MGAT5B: variants seen among roughly 807,000 people sequenced by gnomAD.
MGAT5B encodes N-acetylglucosaminyl-transferase Vb.
MGAT5B carries 54 observed loss-of-function variants against 95.1 expected under a neutral mutation model. That is an observed-to-expected ratio of 0.57 (90% CI 0.46 to 0.71). MGAT5B has a LOEUF of 0.71. MGAT5B is among the 30% of genes least tolerant of loss of function. The pLI, the probability that MGAT5B is intolerant of heterozygous loss-of-function variation, is 0.00. For synonymous variants in MGAT5B, 464 were observed against 451.0 expected (o/e 1.03, Z -0.36); for missense variants, 935 against 1,088.6 (o/e 0.86, Z 1.99).
intron 5 of MGAT5B, 72 bp from the exon 6 acceptor site, chr17:76,904,180 G>A (rs1598935704): frequency 1.4e-6 from 2 of 1,452,926 alleles, no homozygotes; most frequent in Admixed American, 2.1e-5. Flanking sequence ...CCCTGGGGGT[G>A]CACGTGCGGG....
At chr17:76,897,656 G>A (rs1345925767) in intron 3 of MGAT5B, among the ~76,000 whole-genome samples, 1 of 120,382 alleles carries the variant, frequency 8.3e-6, no homozygotes, top group African/African-American at 3.1e-5. Flanking sequence ...TCCCAAGTAA[G>A]GCCACTTTCT....
chr17:76,919,883 T>C (rs530898352), intron 8 of MGAT5B, among the ~76,000 whole-genome samples: 1 of 152,274 alleles, frequency 6.6e-6, no homozygotes, highest in Admixed American at 6.5e-5. Flanking sequence ...AAACTGAAAC[T>C]CCATACCCAT....
At position 76,895,954 on chromosome 17, in the gene MGAT5B, G is replaced by A. The variant is rs184080377; in HGVS notation, c.330-6601G>A. ...ATTTTCGAGGGCCCCTAAAAGCAGC[G>A]TGGGCCCTGGCCTGCACCTCCTGGC... On this transcript the variant is annotated intron_variant, in intron 3 of 17. Coordinates refer to ENST00000569840, the MANE Select transcript of MGAT5B (RefSeq NM_001199172.2). Among the ~76,000 whole-genome samples, 266 of 152,262 alleles carry A rather than the reference G, an allele frequency of 1.7e-3. 1 individual carries two copies. Among genetic ancestry groups the A allele is most frequent in the Middle Eastern group, 6.8e-3 (2 of 294 alleles).
chr17:76,903,286 G>A lies in MGAT5B; in HGVS notation c.446-17G>A. 6.2e-7 allele frequency: 1 copy of A among 1,603,568 alleles called. No homozygotes were observed. Among genetic ancestry groups the A allele is most frequent in the Non-Finnish European group, 8.5e-7 (1 of 1,174,548 alleles). ...TCCTTGGACCAGGGACTTCAGCAAG[G>A]TGACCTCTCCCTACAGTGTCAGAAG... On this transcript the variant is annotated splice_polypyrimidine_tract_variant and intron_variant, in intron 4 of 17. Coordinates refer to ENST00000569840, the MANE Select transcript of MGAT5B (RefSeq NM_001199172.2).
chr17:76,893,442 G>A (rs929615570), intron 3 of MGAT5B, among the ~76,000 whole-genome samples: 3 of 152,242 alleles, frequency 2.0e-5, no homozygotes, highest in African/African-American at 7.2e-5. Context: ...TCTGCCAGAA[G>A]CAGCCGGTTC....
Position 76,940,515 on chromosome 17 carries a change from C to CGAGTTCT in MGAT5B, c.1699_1705dup (p.Phe569Ter). The CGAGTTCT allele has an allele frequency of 6.2e-7, 1 of 1,613,388 alleles. No individual in the cohort carries two copies. The highest frequency in any genetic ancestry group is 8.5e-7 in the Non-Finnish European group (1 of 1,179,580). On this transcript the variant is annotated frameshift_variant, in exon 14 of 18. Transcript: ENST00000569840. LOFTEE classifies it high-confidence loss of function. The surrounding 1 kb of genome is among the most constrained non-coding windows in gnomAD (Gnocchi z 4.3). ...GCCCGCCCCACAGCTCCCTCAACCACGAGTTCTTCCGAGGCAAGCCCACCT... is the reference window on the plus strand; with the variant it reads ...GCCCGCCCCACAGCTCCCTCAACCACGAGTTCTGAGTTCTTCCGAGGCAAGCCCACCT...
intron 3 of MGAT5B, among the ~76,000 whole-genome samples, chr17:76,897,744 T>C (rs1968145961): frequency 6.7e-6 from 1 of 148,664 alleles, no homozygotes; most frequent in Admixed American, 6.7e-5. Context: ...TTTTTTTTTT[T>C]TTTTTGGTTT....
intron 16 of MGAT5B, 103 bp downstream of exon 16, chr17:76,946,553 C>A: frequency 1.1e-6 from 1 of 952,112 alleles, no homozygotes; most frequent in Non-Finnish European, 1.5e-6. Context: ...TGAAACCATC[C>A]AACTCCCTGC....
In MGAT5B at chr17:76,870,778, C is replaced by G. The variant is rs1311710302; in HGVS notation, c.68+1681C>G. 6.6e-6 allele frequency among the ~76,000 whole-genome samples: 1 copy of G among 152,036 alleles called. No homozygotes were observed. Among genetic ancestry groups the G allele is most frequent in the Non-Finnish European group, 1.5e-5 (1 of 67,976 alleles). ...GCAGGCTGCAATCATAGCACCCCAG[C>G]TTATTCATCCTCAAAGGCAGGCTGG... On this transcript the variant is annotated intron_variant, in intron 1 of 17. Transcript: ENST00000569840. The surrounding 1 kb of genome is among the most constrained non-coding windows in gnomAD (Gnocchi z 5.0).
chr17:76,877,717 C>CT (rs1424363478), intron 2 of MGAT5B, among the ~76,000 whole-genome samples: 1 of 152,342 alleles, frequency 6.6e-6, no homozygotes, highest in East Asian at 1.9e-4. Context: ...ATTTCTCCAG[C>CT]TGCACGAACA....
rs777956018 is a variant in MGAT5B, at chr17:76,948,128, C to G, written c.2180+42C>G. The G allele has an allele frequency of 3.2e-6, 5 of 1,543,566 alleles. No individual in the cohort carries two copies. In the Admixed American group the frequency reaches 5.6e-5, roughly 17 times the overall value. On this transcript the variant is annotated intron_variant, in intron 17 of 17. Transcript: ENST00000569840. ...CCTCCCCACCCAGCCGCTATCATCGCTGGCCCAGCCGGGTTCACTGAGAGC... is the reference window on the plus strand; with the variant it reads ...CCTCCCCACCCAGCCGCTATCATCGGTGGCCCAGCCGGGTTCACTGAGAGC...
rs1033523594 is a variant in MGAT5B, at chr17:76,939,037, T to G, written c.1584+894T>G. On this transcript the variant is annotated intron_variant, in intron 13 of 17. Coordinates refer to ENST00000569840, the MANE Select transcript of MGAT5B (RefSeq NM_001199172.2). ...TCCCAAGGCATCTTGGGGGTGTGTG[T>G]GTGTGTGTGTGTGTGTGTGTGTGTG... Among the ~76,000 whole-genome samples, 43 of 144,288 alleles carry G rather than the reference T, an allele frequency of 3.0e-4. 1 individual carries two copies. Among genetic ancestry groups the G allele is most frequent in the Admixed American group, 1.2e-3 (17 of 14,648 alleles). The allele number at this position is 144,288 out of a possible 152,430, so 94.7% of individuals were successfully genotyped here.
At chr17:76,946,113 G>C (rs941484530) in intron 15 of MGAT5B, 4 of 405,962 alleles carry the variant, frequency 9.9e-6, no homozygotes, top group Admixed American at 4.4e-5. Flanking sequence ...TTGCAGTTGG[G>C]ACAGGGACCT....
At position 76,948,930 on chromosome 17, in the gene MGAT5B, C is replaced by T. The variant is rs771901426; in HGVS notation, c.*92C>T. Reference sequence around the variant, plus strand: ...AGGTTCTGAGCCCTGGCTGCTTGTCCTCCTCGCAACCCCCCCAGGCCGGAG... The same window carrying T: ...AGGTTCTGAGCCCTGGCTGCTTGTCTTCCTCGCAACCCCCCCAGGCCGGAG... On this transcript the variant is annotated 3_prime_UTR_variant, in exon 18 of 18. Transcript: ENST00000569840. 4.0e-5 allele frequency: 53 copies of T among 1,340,704 alleles called. No individual in the cohort carries two copies. Among genetic ancestry groups the T allele is most frequent in the Admixed American group, 8.8e-5 (4 of 45,204 alleles). The allele number at this position is 1,340,704 out of a possible 1,614,324, so 83.1% of individuals were successfully genotyped here.
chr17:76,941,042 C>T (rs1380884791), intron 15 of MGAT5B, among the ~76,000 whole-genome samples, 194 bp downstream of exon 15: 1 of 152,194 alleles, frequency 6.6e-6, no homozygotes, highest in Non-Finnish European at 1.5e-5. Context: ...TGGGGGATCC[C>T]ATTCATCTAC....
At position 76,914,632 on chromosome 17, in the gene MGAT5B, TTTC is replaced by T. The variant is rs1203486440; in HGVS notation, c.1025+8452_1025+8454del. Among the ~76,000 whole-genome samples the T allele has an allele frequency of 1.2e-4, 18 of 144,564 alleles. No homozygotes were observed. The highest frequency in any genetic ancestry group is 4.7e-4 in the African/African-American group (18 of 38,502). 94.8% of individuals were successfully genotyped at this position (144,564 alleles called of 152,430 possible). On this transcript the variant is annotated intron_variant, in intron 8 of 17. Coordinates refer to ENST00000569840, the MANE Select transcript of MGAT5B (RefSeq NM_001199172.2). The surrounding 1 kb of genome is among the most constrained non-coding windows in gnomAD (Gnocchi z 5.1). ...CTCCATGCATGACTCTGTGTCCACA[TTTC>T]TTCTTCCTCTTTTTTTTTTTTTGAG...
intron 8 of MGAT5B, among the ~76,000 whole-genome samples, chr17:76,922,024 C>A (rs903689303): frequency 6.6e-6 from 1 of 152,158 alleles, no homozygotes; most frequent in Non-Finnish European, 1.5e-5. Context: ...ACCTTAGAAC[C>A]GCAGCGTGGT....
Position 76,938,175 on chromosome 17 carries a change from C to T in MGAT5B, c.1584+32C>T, listed in dbSNP as rs1241146247. The T allele has an allele frequency of 3.1e-6, 5 of 1,608,572 alleles. No individual in the cohort carries two copies. Among genetic ancestry groups the T allele is most frequent in the Admixed American group, 3.3e-5 (2 of 59,876 alleles). On this transcript the variant is annotated intron_variant, in intron 13 of 17. Transcript: ENST00000569840. The surrounding 1 kb of genome is among the most constrained non-coding windows in gnomAD (Gnocchi z 4.3). ...TCCCATCCCCCGCACCATTCTCACA[C>T]TTGCCGGCTGCAGACACTGAGGTCA...
chr17:76,946,620 C>T (rs916163804), intron 16 of MGAT5B, among the ~76,000 whole-genome samples, 170 bp downstream of exon 16: 1 of 152,232 alleles, frequency 6.6e-6, no homozygotes, highest in African/African-American at 2.4e-5. Flanking sequence ...TGGAGACAGG[C>T]AGGCCTGACT....
Sources: allele counts gnomAD v4.1 joint callset (sites outside exome capture counted in the v4.1 genomes callset), GRCh38; gene constraint gnomAD v4.1.1; non-coding constraint Gnocchi (gnomAD v3.1); transcripts MANE v1.5; gene names NCBI Gene and HGNC (gene_info 2026-07-23, HGNC 2026-07-21).